TXLNB: variants seen among roughly 807,000 people sequenced by gnomAD.
The protein encoded by TXLNB is beta-taxilin.
In TXLNB, 37 loss-of-function variants were observed where a neutral mutation model predicts 57.4. The observed-to-expected ratio is 0.64, with a 90% CI of 0.50 to 0.85. TXLNB has a LOEUF of 0.85. TXLNB is among the 40% of genes least tolerant of loss of function. TXLNB has a pLI of 0.00. For synonymous variants in TXLNB, 302 were observed against 309.6 expected, an observed-to-expected ratio of 0.98 and a Z score of 0.26; for missense variants, 848 against 825.6, an observed-to-expected ratio of 1.03 and a Z score of -0.33.
At chr6:139,205,294 A>T in the TXLNB span, among the ~76,000 whole-genome samples, 1 of 152,234 alleles carries the variant, frequency 6.6e-6, no homozygotes, top group East Asian at 1.9e-4. Context: ...CACCTGGCAA[A>T]TTTTTTATTT....
chr6:139,214,428 GC>G, the TXLNB span, among the ~76,000 whole-genome samples: 2 of 152,036 alleles, frequency 1.3e-5, no homozygotes, highest in Non-Finnish European at 2.9e-5. Flanking sequence ...AAATTCAACA[GC>G]CCTTCATGCT....
chr6:139,187,651 C>G, the TXLNB span, among the ~76,000 whole-genome samples: 4 of 152,296 alleles, frequency 2.6e-5, no homozygotes, highest in East Asian at 5.8e-4. Context: ...GTACAGAACT[C>G]TGCTGGGGGA....
At chr6:139,318,114 C>T in the TXLNB span, among the ~76,000 whole-genome samples, 1 of 151,256 alleles carries the variant, frequency 6.6e-6, no homozygotes, top group African/African-American at 2.4e-5. Flanking sequence ...CTAAAAAATA[C>T]AAAAAATTAG....
At chr6:139,322,593 G>A in the TXLNB span, among the ~76,000 whole-genome samples, 1 of 152,102 alleles carries the variant, frequency 6.6e-6, no homozygotes, top group Non-Finnish European at 1.5e-5. Flanking sequence ...ACTCATGCCT[G>A]ACTCCTCTCT....
chr6:139,282,766 G>A lies in TXLNB; in HGVS notation c.424+5710C>T, dbSNP rs17068488. Among the ~76,000 whole-genome samples the A allele has an allele frequency of 2.9e-3, 417 of 145,380 alleles. 46 individuals are homozygous for A. In the East Asian group the frequency reaches 0.036, roughly 13 times the overall value. On this transcript the variant is annotated intron_variant, in intron 2 of 9. Transcript: ENST00000358430. Reference sequence around the variant, plus strand: ...TGCTTCTGTACCACTTTGGTCCTGCGATGTCAGTGACACAAAGTCCATCCC... The same window carrying A: ...TGCTTCTGTACCACTTTGGTCCTGCAATGTCAGTGACACAAAGTCCATCCC...
the TXLNB span, among the ~76,000 whole-genome samples, chr6:139,304,477 G>T: frequency 6.6e-6 from 1 of 152,144 alleles, no homozygotes; most frequent in South Asian, 2.1e-4. Context: ...TGCACAAAAG[G>T]GGGTCACTTC....
the TXLNB span, among the ~76,000 whole-genome samples, chr6:139,220,265 T>C: frequency 6.6e-6 from 1 of 152,246 alleles, no homozygotes; most frequent in African/African-American, 2.4e-5. Flanking sequence ...CAGCCTCTAG[T>C]ACTGCAAGAA....
chr6:139,274,959 C>T (rs1426224039), intron 3 of TXLNB, among the ~76,000 whole-genome samples: 1 of 152,046 alleles, frequency 6.6e-6, no homozygotes, highest in African/African-American at 2.4e-5. Context: ...ATTTTTGACA[C>T]CTAAATTATT....
At chr6:139,278,968 C>T (rs1776975088) in intron 2 of TXLNB, among the ~76,000 whole-genome samples, 1 of 152,326 alleles carries the variant, frequency 6.6e-6, no homozygotes, top group South Asian at 2.1e-4. Flanking sequence ...TGCACCACTG[C>T]ACTCCACTGC....
At chr6:139,165,998 T>G in the TXLNB span, 1 of 307,234 alleles carries the variant, frequency 3.3e-6, no homozygotes, top group Non-Finnish European at 5.9e-6. Flanking sequence ...GAAATCGGTA[T>G]GAGACCGTCT....
the TXLNB span, among the ~76,000 whole-genome samples, chr6:139,202,143 A>T: frequency 6.6e-6 from 1 of 152,360 alleles, no homozygotes; most frequent in Admixed American, 6.5e-5. Flanking sequence ...TGACTTTATC[A>T]GGAATCTAAC....
At chr6:139,257,155 C>T (rs766090011) in intron 6 of TXLNB, among the ~76,000 whole-genome samples, 5 of 152,178 alleles carry the variant, frequency 3.3e-5, no homozygotes, top group Non-Finnish European at 7.3e-5. Context: ...TTAAAAATCA[C>T]ATCCACAGTG....
At chr6:139,294,357 T>C (rs968942816), upstream of TXLNB, among the ~76,000 whole-genome samples, 3 of 152,186 alleles carry the variant, frequency 2.0e-5, no homozygotes, top group Non-Finnish European at 4.4e-5. Context: ...TCATATGGCC[T>C]GCTATGATTT....
chr6:139,209,182 C>A, the TXLNB span, among the ~76,000 whole-genome samples: 2 of 152,148 alleles, frequency 1.3e-5, no homozygotes, highest in African/African-American at 4.8e-5. Flanking sequence ...AACTCAACCT[C>A]TTTTACAATA....
chr6:139,279,347 C>T (rs1276992379), intron 2 of TXLNB, among the ~76,000 whole-genome samples: 2 of 152,170 alleles, frequency 1.3e-5, no homozygotes, highest in East Asian at 1.9e-4. Flanking sequence ...TTCTGCTCTA[C>T]TGTGTTATTT....
At chr6:139,288,429 TAGGAATACCA>T in intron 2 of TXLNB, 37 bp downstream of exon 2, 1 of 1,556,292 alleles carries the variant, frequency 6.4e-7, no homozygotes, top group Admixed American at 1.9e-5. Context: ...GCCCCTTTTT[TAGGAATACCA>T]TACAGAAAAG....
chr6:139,227,069 G>C, the TXLNB span, among the ~76,000 whole-genome samples: 2 of 150,902 alleles, frequency 1.3e-5, no homozygotes, highest in East Asian at 3.9e-4. Flanking sequence ...GATCCCAGGT[G>C]TGGTGGCTCA....
the TXLNB span, among the ~76,000 whole-genome samples, chr6:139,298,840 G>A: frequency 6.6e-6 from 1 of 152,066 alleles, no homozygotes; most frequent in Non-Finnish European, 1.5e-5. Context: ...GGCTAGGTGC[G>A]AGTCTCTTGG....
chr6:139,210,515 C>T, the TXLNB span, among the ~76,000 whole-genome samples: 1 of 152,150 alleles, frequency 6.6e-6, no homozygotes. Context: ...GCCAAGATGG[C>T]CGAATAGGAA....
Sources: allele counts gnomAD v4.1 joint callset (sites outside exome capture counted in the v4.1 genomes callset), GRCh38; gene constraint gnomAD v4.1.1; transcripts MANE v1.5; gene names NCBI Gene and HGNC (gene_info 2026-07-23, HGNC 2026-07-21).